USP15: variants seen among roughly 807,000 people sequenced by gnomAD.
The protein encoded by USP15 is ubiquitin carboxyl-terminal hydrolase 15.
In USP15, 18 loss-of-function variants were observed where a neutral mutation model predicts 127.1. That is an observed-to-expected ratio of 0.14 (90% CI 0.10 to 0.21). The LOEUF is 0.21. USP15 is among the 10% of genes least tolerant of loss of function. The pLI is 1.00. For synonymous variants in USP15, 364 were observed against 393.7 expected (o/e 0.92, Z 0.89); for missense variants, 805 against 1,159.9 (o/e 0.69, Z 4.44).
intron 3 of USP15, among the ~76,000 whole-genome samples, chr12:62,313,859 A>C (rs986286799): frequency 6.6e-6 from 1 of 151,830 alleles, no homozygotes; most frequent in Non-Finnish European, 1.5e-5. Context: ...TTTTCAATGC[A>C]GTGAAAGACA....
At chr12:62,348,690 A>G (rs2065887282) in intron 6 of USP15, among the ~76,000 whole-genome samples, 1 of 152,186 alleles carries the variant, frequency 6.6e-6, no homozygotes, top group Non-Finnish European at 1.5e-5. Context: ...TAAGGTATGT[A>G]TACTATAGTC....
intron 3 of USP15, chr12:62,304,931 G>C (rs374557170): frequency 8.5e-6 from 2 of 234,468 alleles, no homozygotes; most frequent in South Asian, 1.0e-4. Flanking sequence ...TGGATTTAAT[G>C]TTTGGGAATA....
chr12:62,298,527 G>A (rs1417056180), intron 2 of USP15, among the ~76,000 whole-genome samples: 1 of 152,060 alleles, frequency 6.6e-6, no homozygotes, highest in Non-Finnish European at 1.5e-5. Context: ...TTAGCTGGGT[G>A]TGGTGGCGCG....
At chr12:62,260,551 G>C (rs1024158092) in intron 1 of USP15, 48 bp downstream of exon 1, 23 of 1,512,524 alleles carry the variant, frequency 1.5e-5, no homozygotes, top group Non-Finnish European at 2.0e-5. Flanking sequence ...GGATAGTGGA[G>C]AAGTGGGCGG....
chr12:62,262,517 T>C (rs569074423), intron 1 of USP15, among the ~76,000 whole-genome samples: 1 of 152,222 alleles, frequency 6.6e-6, no homozygotes, highest in South Asian at 2.1e-4. Flanking sequence ...CGTTTTTGTA[T>C]ATAGAGTAAT....
At chr12:62,302,145 A>G (rs1381558752) in intron 2 of USP15, among the ~76,000 whole-genome samples, 1 of 152,180 alleles carries the variant, frequency 6.6e-6, no homozygotes, top group Non-Finnish European at 1.5e-5. Context: ...GAATAATGAA[A>G]TGGTTCACAA....
At chr12:62,334,331 T>A (rs578037188) in intron 6 of USP15, 45 of 152,180 alleles carry the variant, frequency 3.0e-4, no homozygotes, top group Non-Finnish European at 5.1e-4. Context: ...GCTGAAAAAA[T>A]TATTGTAATT....
At chr12:62,399,577 G>T (rs1462871140) in intron 20 of USP15, among the ~76,000 whole-genome samples, 1 of 152,080 alleles carries the variant, frequency 6.6e-6, no homozygotes, top group East Asian at 1.9e-4. Context: ...CAGCCATGTT[G>T]CATGCACACA....
intron 3 of USP15, among the ~76,000 whole-genome samples, chr12:62,309,197 A>T (rs1341288526): frequency 6.6e-6 from 1 of 152,164 alleles, no homozygotes; most frequent in African/African-American, 2.4e-5. Context: ...ATTGTTTAAG[A>T]ATAAAAAGAG....
rs2068050526 is a variant in USP15 at position 62,411,953 on chromosome 12, T to C, written c.*7578T>C. Reference sequence around the variant, plus strand: ...ACCTAATTATCTCCTAAAGACTTCCTCTCCAAATACTATTTAAGGCTTCAA... The same window carrying C: ...ACCTAATTATCTCCTAAAGACTTCCCCTCCAAATACTATTTAAGGCTTCAA... On this transcript the variant is annotated 3_prime_UTR_variant, in exon 22 of 22. Transcript: ENST00000280377. 6.6e-6 allele frequency: 1 copy of C among 152,212 alleles called. No individual in the cohort carries two copies. Among genetic ancestry groups the C allele is most frequent in the African/African-American group, 2.4e-5 (1 of 41,538 alleles). The allele number at this position is 152,212 out of a possible 1,614,324, so 9.4% of individuals were successfully genotyped here. A position where few individuals can be genotyped will look rare whatever the true frequency, so the allele number is the denominator to read the frequency against.
intron 7 of USP15, among the ~76,000 whole-genome samples, chr12:62,353,414 G>T (rs1182635076): frequency 6.6e-6 from 1 of 151,920 alleles, no homozygotes; most frequent in Non-Finnish European, 1.5e-5. Flanking sequence ...GGAGAGACAG[G>T]ATATCTGAAT....
chr12:62,405,749 A>G lies in USP15; in HGVS notation c.*1374A>G, dbSNP rs2067846129. ...TAAAGCAAAAAGTATAATGTTCTTC[A>G]CTTGAACTAATCAAATACAATAGAT... is the stretch of plus-strand genomic sequence containing the variant. On this transcript the variant is annotated 3_prime_UTR_variant, in exon 22 of 22. Coordinates refer to ENST00000280377, the MANE Select transcript of USP15 (RefSeq NM_001252078.2). 6.6e-6 allele frequency: 1 copy of G among 152,596 alleles called. No individual in the cohort carries two copies. The allele number at this position is 152,596 out of a possible 1,614,324, so 9.5% of individuals were successfully genotyped here.
rs190974429 is a variant in USP15, at chr12:62,262,651, T to G, written c.89+2148T>G. Among the ~76,000 whole-genome samples the G allele has an allele frequency of 8.5e-5, 13 of 152,282 alleles. No homozygotes were observed. In the East Asian group the frequency reaches 1.7e-3, roughly 20 times the overall value. ...TTTTACAAAATTAATGTAAATTGTT[T>G]TATATATGTGCGTGTGTGTGTGCGT... On this transcript the variant is annotated intron_variant, in intron 1 of 21. Coordinates refer to ENST00000280377, the MANE Select transcript of USP15 (RefSeq NM_001252078.2).
chr12:62,402,404 T>A (rs115672798), intron 21 of USP15, among the ~76,000 whole-genome samples: 18 of 152,124 alleles, frequency 1.2e-4, no homozygotes, highest in African/African-American at 3.4e-4. Context: ...TTAAATACCT[T>A]ACTATGGCCA....
chr12:62,357,694 G>T (rs1454429767), intron 8 of USP15, among the ~76,000 whole-genome samples: 1 of 152,202 alleles, frequency 6.6e-6, no homozygotes, highest in East Asian at 1.9e-4. Context: ...AGAGAAAAAT[G>T]AGTTTTTACT....
intron 14 of USP15, 48 bp from the exon 15 acceptor site, chr12:62,390,816 T>C (rs2067302368): frequency 2.1e-6 from 3 of 1,401,580 alleles, no homozygotes; most frequent in Non-Finnish European, 2.9e-6. Context: ...TTTTAAAAGT[T>C]TTTATCTTTG....
intron 8 of USP15, among the ~76,000 whole-genome samples, chr12:62,366,889 A>G (rs1463621344): frequency 6.6e-6 from 1 of 152,214 alleles, no homozygotes; most frequent in Non-Finnish European, 1.5e-5. Flanking sequence ...CTTGCATCCC[A>G]GGGATGAAGC....
chr12:62,351,922 C>A (rs781166033), intron 7 of USP15, among the ~76,000 whole-genome samples: 27 of 151,200 alleles, frequency 1.8e-4, no homozygotes, highest in Non-Finnish European at 3.1e-4. Context: ...TGAATTCTAT[C>A]GTATTTAAAC....
chr12:62,372,132 A>C (rs1403715479), intron 8 of USP15, among the ~76,000 whole-genome samples: 3 of 152,172 alleles, frequency 2.0e-5, no homozygotes, highest in Admixed American at 2.0e-4. Context: ...GAGATATTTG[A>C]AACTTGACCT....
Sources: gnomAD v4.1 joint callset for allele counts (sites outside exome capture counted in the v4.1 genomes callset) on GRCh38, gnomAD v4.1.1 for gene constraint, MANE v1.5 for transcripts, NCBI Gene and HGNC (gene_info 2026-07-23, HGNC 2026-07-21) for gene names.